CORO2B: variants seen among roughly 807,000 people sequenced by gnomAD.
The protein encoded by CORO2B is coronin-2B.
CORO2B carries 26 observed loss-of-function variants against 58.8 expected under a neutral mutation model. That is an observed-to-expected ratio of 0.44 (90% CI 0.32 to 0.61). The LOEUF (loss-of-function observed/expected upper bound fraction) is 0.61. Ranked by LOEUF, CORO2B falls within the 20% of genes least tolerant of loss-of-function variation. The pLI, the probability that CORO2B is intolerant of heterozygous loss-of-function variation, is 0.04. For missense variants in CORO2B, 460 were observed against 645.1 expected, an observed-to-expected ratio of 0.71 and a Z score of 3.11; for synonymous variants, 242 against 253.8, an observed-to-expected ratio of 0.95 and a Z score of 0.44.
At chr15:68,632,963 A>T (rs1900893213) in intron 1 of CORO2B, among the ~76,000 whole-genome samples, 1 of 152,190 alleles carries the variant, frequency 6.6e-6, no homozygotes, top group Admixed American at 6.5e-5. Flanking sequence ...CACTAACATT[A>T]TTTTTAAAAT....
the CORO2B span, among the ~76,000 whole-genome samples, chr15:68,530,486 T>C: frequency 6.6e-6 from 1 of 152,098 alleles, no homozygotes; most frequent in Non-Finnish European, 1.5e-5. Flanking sequence ...TTAGATCAAA[T>C]TGGTGATATT....
rs1465015453 is a variant in CORO2B, at chr15:68,645,843, G to A, written c.216+483G>A. Among the ~76,000 whole-genome samples, 1 of 151,862 alleles carries A rather than the reference G, an allele frequency of 6.6e-6. No individual in the cohort carries two copies. Among genetic ancestry groups the A allele is most frequent in the Admixed American group, 6.6e-5 (1 of 15,248 alleles). ...GGCTGAAGTTCAATGGCGCGATCTC[G>A]GCTCACTGCAACCTCTGCCTCCCAG... On this transcript the variant is annotated intron_variant, in intron 2 of 11. Coordinates refer to ENST00000261861, the MANE Select transcript of CORO2B (RefSeq NM_006091.5). The surrounding 1 kb of genome is among the most constrained non-coding windows in gnomAD (Gnocchi z 4.5).
chr15:68,608,691 A>G (rs1221609956), intron 1 of CORO2B, among the ~76,000 whole-genome samples: 2 of 152,166 alleles, frequency 1.3e-5, no homozygotes, highest in African/African-American at 2.4e-5. Flanking sequence ...ATGAACAAGC[A>G]TTCCTGCATC....
chr15:68,663,100 G>A (rs1347735390), intron 2 of CORO2B, among the ~76,000 whole-genome samples: 2 of 152,006 alleles, frequency 1.3e-5, no homozygotes, highest in Non-Finnish European at 2.9e-5. Flanking sequence ...ATTCAAACCC[G>A]TGTTGTTCAG....
intron 11 of CORO2B, among the ~76,000 whole-genome samples, chr15:68,725,331 C>T (rs561459161): frequency 4.6e-5 from 7 of 152,040 alleles, no homozygotes; most frequent in Middle Eastern, 3.4e-3. Context: ...ATCATGCCAC[C>T]GCACTACAGC....
chr15:68,674,816 C>T (rs1179246458), intron 2 of CORO2B, among the ~76,000 whole-genome samples: 1 of 152,186 alleles, frequency 6.6e-6, no homozygotes, highest in African/African-American at 2.4e-5. Flanking sequence ...TGCTCTTTTC[C>T]CTCAGACCTG....
upstream of CORO2B, among the ~76,000 whole-genome samples, chr15:68,575,238 C>A (rs1235682698): frequency 1.3e-5 from 2 of 152,166 alleles, no homozygotes; most frequent in African/African-American, 2.4e-5. Context: ...GATAAACACC[C>A]GCTAGGCTGA....
chr15:68,608,986 C>G (rs930840771), intron 1 of CORO2B, among the ~76,000 whole-genome samples: 2 of 152,190 alleles, frequency 1.3e-5, no homozygotes, highest in Non-Finnish European at 2.9e-5. Context: ...AACTCAGACC[C>G]TATCCTCAAG....
chr15:68,684,489 CAT>C (rs985330560), intron 2 of CORO2B, among the ~76,000 whole-genome samples: 18 of 152,276 alleles, frequency 1.2e-4, no homozygotes, highest in Middle Eastern at 3.4e-3. Flanking sequence ...ATGGCACGTA[CAT>C]ATGTGTGTGT....
intron 1 of CORO2B, among the ~76,000 whole-genome samples, chr15:68,618,573 G>A (rs1342494744): frequency 6.6e-6 from 1 of 152,220 alleles, no homozygotes; most frequent in Non-Finnish European, 1.5e-5. Flanking sequence ...TGGCACATGA[G>A]CAGTGCTCTT....
intron 2 of CORO2B, among the ~76,000 whole-genome samples, chr15:68,663,753 AGCATT>A (rs1272379719): frequency 2.0e-5 from 3 of 152,264 alleles, no homozygotes; most frequent in Admixed American, 1.3e-4. Flanking sequence ...GACTTGAATA[AGCATT>A]GCATGAAAAT....
chr15:68,697,645 G>C (rs867848832), intron 3 of CORO2B, among the ~76,000 whole-genome samples: 6 of 152,288 alleles, frequency 3.9e-5, no homozygotes, highest in African/African-American at 1.2e-4. Flanking sequence ...TAGTGAAGAT[G>C]GTCCATCAGG....
At chr15:68,595,399 T>TC (rs1899800718) in intron 1 of CORO2B, among the ~76,000 whole-genome samples, 1 of 152,188 alleles carries the variant, frequency 6.6e-6, no homozygotes, top group South Asian at 2.1e-4. Flanking sequence ...AGGCAGCACT[T>TC]CCCCATGACA....
At chr15:68,586,900 A>AAT (rs1367292544) in intron 1 of CORO2B, among the ~76,000 whole-genome samples, 1 of 151,958 alleles carries the variant, frequency 6.6e-6, no homozygotes, top group African/African-American at 2.4e-5. Context: ...GAAGTCATTT[A>AAT]TTTTTCCAAA....
intron 2 of CORO2B, among the ~76,000 whole-genome samples, chr15:68,649,694 C>T (rs1245364225): frequency 2.0e-5 from 3 of 152,184 alleles, no homozygotes; most frequent in Admixed American, 2.0e-4. Flanking sequence ...AAGTCTATTT[C>T]ATGTTCTCCT....
rs564506896 is a variant in CORO2B at position 68,656,870 on chromosome 15, A to G, written c.216+11510A>G. Among the ~76,000 whole-genome samples the G allele has an allele frequency of 2.0e-5, 3 of 152,328 alleles. No homozygotes were observed. The South Asian group carries it at 6.2e-4, about 32-fold the overall frequency. ...TTCTGAGGATTCAGTGAGGTGTTACATAAAGCCTGGAAGGTGCCTGGCTCA... is the reference window on the plus strand; with the variant it reads ...TTCTGAGGATTCAGTGAGGTGTTACGTAAAGCCTGGAAGGTGCCTGGCTCA... On this transcript the variant is annotated intron_variant, in intron 2 of 11. Coordinates refer to ENST00000261861, the MANE Select transcript of CORO2B (RefSeq NM_006091.5).
chr15:68,522,832 T>C, the CORO2B span, among the ~76,000 whole-genome samples: 1 of 152,252 alleles, frequency 6.6e-6, no homozygotes, highest in East Asian at 1.9e-4. Context: ...TATGGGTTTA[T>C]TTTTCCTGCG....
chr15:68,682,363 G>C (rs1387812777), intron 2 of CORO2B, among the ~76,000 whole-genome samples: 1 of 152,192 alleles, frequency 6.6e-6, no homozygotes, highest in African/African-American at 2.4e-5. Context: ...GGGTGCACCT[G>C]GAGAGGAAGG....
the CORO2B span, among the ~76,000 whole-genome samples, chr15:68,565,530 A>T: frequency 7.1e-3 from 1,059 of 149,522 alleles, 16 homozygotes; most frequent in African/African-American, 0.024. Context: ...AATAAAAATA[A>T]ATATATATAT....
Sources: gnomAD v4.1 joint callset for allele counts (sites outside exome capture counted in the v4.1 genomes callset) on GRCh38, gnomAD v4.1.1 for gene constraint, Gnocchi (gnomAD v3.1) non-coding constraint, MANE v1.5 for transcripts, NCBI Gene and HGNC (gene_info 2026-07-23, HGNC 2026-07-21) for gene names.